CRACD: variants seen among roughly 807,000 people sequenced by gnomAD.
CRACD encodes the protein capping protein-inhibiting regulator of actin dynamics.
A neutral mutation model predicts 106.8 loss-of-function variants in CRACD; 56 were observed. The observed-to-expected ratio is 0.52, with a 90% confidence interval of 0.42 to 0.66. The LOEUF (loss-of-function observed/expected upper bound fraction) is 0.66, where lower values mean the gene tolerates loss of function less well. CRACD is among the 30% of genes least tolerant of loss of function. The pLI is 0.00. For missense variants in CRACD, 1,730 were observed against 1,623.2 expected, an observed-to-expected ratio of 1.07 and a Z score of -1.13; for synonymous variants, 754 against 670.8, an observed-to-expected ratio of 1.12 and a Z score of -1.92.
chr4:56,303,094 G>C (rs7661911), intron 4 of CRACD, among the ~76,000 whole-genome samples: 102,226 of 152,014 alleles, frequency 0.67, 35,700 homozygotes, highest in East Asian at 0.91. Flanking sequence ...CCTATAATTC[G>C]AGCACTCTGG....
chr4:56,086,591 T>A (rs953989113), intron 1 of CRACD, among the ~76,000 whole-genome samples: 1 of 152,178 alleles, frequency 6.6e-6, no homozygotes, highest in Non-Finnish European at 1.5e-5. Flanking sequence ...CCTTCACCTC[T>A]TCCCTCATCT....
At chr4:56,199,454 C>T (rs148089992) in intron 2 of CRACD, among the ~76,000 whole-genome samples, 4,997 of 152,050 alleles carry the variant, frequency 0.033, 114 homozygotes, top group Admixed American at 0.054. Flanking sequence ...GAGGCCGAGG[C>T]GGGTGAATCA....
chr4:56,094,083 T>C (rs1733514299), intron 1 of CRACD, among the ~76,000 whole-genome samples: 1 of 152,266 alleles, frequency 6.6e-6, no homozygotes, highest in Non-Finnish European at 1.5e-5. Context: ...GTCATATTGA[T>C]TGAGTCCAAT....
chr4:56,245,228 A>G (rs1469097535), intron 2 of CRACD, among the ~76,000 whole-genome samples: 2 of 152,208 alleles, frequency 1.3e-5, no homozygotes, highest in Non-Finnish European at 2.9e-5. Context: ...AGTCTTTCTC[A>G]TAGTGGATAG....
chr4:56,056,463 T>G (rs1423817337), intron 1 of CRACD, among the ~76,000 whole-genome samples: 1 of 152,014 alleles, frequency 6.6e-6, no homozygotes, highest in Non-Finnish European at 1.5e-5. Flanking sequence ...AATGGAGATG[T>G]GCTATCAATT....
intron 10 of CRACD, among the ~76,000 whole-genome samples, chr4:56,327,233 T>G (rs1347029046): frequency 2.6e-5 from 4 of 152,198 alleles, no homozygotes; most frequent in African/African-American, 9.6e-5. Context: ...CTTGCTTTCC[T>G]TCATTCTCCT....
At chr4:56,065,055 C>G (rs531010114) in intron 1 of CRACD, among the ~76,000 whole-genome samples, 4 of 144,532 alleles carry the variant, frequency 2.8e-5, no homozygotes, top group African/African-American at 9.9e-5. Context: ...TCAGAAGTGC[C>G]TCTGGAACCT....
chr4:56,191,730 A>G (rs1448501252), intron 2 of CRACD, among the ~76,000 whole-genome samples: 1 of 152,222 alleles, frequency 6.6e-6, no homozygotes, highest in Non-Finnish European at 1.5e-5. Flanking sequence ...GGAACGCCCA[A>G]CCACCATGTA....
At chr4:56,266,920 T>C (rs999073495) in intron 2 of CRACD, among the ~76,000 whole-genome samples, 4 of 152,222 alleles carry the variant, frequency 2.6e-5, no homozygotes, top group Non-Finnish European at 4.4e-5. Context: ...AGATTATCAA[T>C]TGGGGAATCA....
At chr4:56,313,619 G>A (rs533526630) in intron 7 of CRACD, among the ~76,000 whole-genome samples, 2 of 152,340 alleles carry the variant, frequency 1.3e-5, no homozygotes, top group African/African-American at 4.8e-5. Context: ...CAGACCCGTT[G>A]TGTTTGCTTT....
intron 3 of CRACD, among the ~76,000 whole-genome samples, chr4:56,278,441 A>G (rs1180600975): frequency 6.6e-6 from 1 of 152,226 alleles, no homozygotes; most frequent in African/African-American, 2.4e-5. Context: ...TTCTGGGACA[A>G]TTGGATAGCC....
chr4:56,094,650 C>T (rs193187984), intron 1 of CRACD, among the ~76,000 whole-genome samples: 45 of 152,220 alleles, frequency 3.0e-4, no homozygotes, highest in African/African-American at 8.7e-4. Context: ...AACTGGGTTT[C>T]GCCATGTTGG....
At chr4:56,084,187 A>C (rs74427449) in intron 1 of CRACD, among the ~76,000 whole-genome samples, 6,232 of 152,308 alleles carry the variant, frequency 0.041, 152 homozygotes, top group Non-Finnish European at 0.056. Flanking sequence ...TAACAAAAAT[A>C]ATACTACATA....
In CRACD at chr4:56,315,240, C is replaced by A; in HGVS notation, c.1738C>A (p.Pro580Thr). The change falls in exon 8 of 11, where the codon CCA (proline) becomes ACA (threonine). Residue 580 changes from proline (P) to threonine (T), a missense_variant. Physicochemically the swap from Pro to Thr is conservative, Grantham distance 38. Around this residue, in one of 5 missense-constraint regions of CRACD, gnomAD observed 1,620 missense variants for 1,481.6 expected, o/e 1.09. Transcript: ENST00000682029. This position sits in a 1 kb window ranked among gnomAD's most constrained non-coding sequence, Gnocchi z 4.1. ...PQEPKAPKASPVQHALPSSLS... is the reference protein window; with the variant it reads ...PQEPKAPKASTVQHALPSSLS... The stretch of plus-strand genomic sequence containing the variant: ...GGAACCAAAGGCCCCCAAAGCCAGC[C>A]CAGTCCAGCACGCCCTACCGTCGTC... 2 of 1,601,448 alleles carry A rather than the reference C, an allele frequency of 1.2e-6. No individual in the cohort carries two copies. The highest frequency in any genetic ancestry group is 1.7e-6 in the Non-Finnish European group (2 of 1,174,176).
chr4:56,189,253 C>T (rs1737248573), intron 2 of CRACD, among the ~76,000 whole-genome samples: 1 of 151,906 alleles, frequency 6.6e-6, no homozygotes, highest in Non-Finnish European at 1.5e-5. Flanking sequence ...ATTGGGATTT[C>T]AGGCTAGATA....
In CRACD at chr4:56,104,857, C is replaced by T. The variant is rs960130106; in HGVS notation, c.-336+55558C>T. ...TGGCGGGTGCCTGTAATCCCAGCTA[C>T]TCGGGAGGCTGAGGCAGGAGAATGG... is the stretch of plus-strand genomic sequence containing the variant. On this transcript the variant is annotated intron_variant, in intron 1 of 10. Coordinates refer to ENST00000682029, the MANE Select transcript of CRACD (RefSeq NM_001393381.1). Among the ~76,000 whole-genome samples the T allele has an allele frequency of 2.6e-5, 4 of 151,396 alleles. No homozygotes were observed. In the South Asian group the frequency reaches 8.3e-4, roughly 32 times the overall value.
chr4:56,279,634 T>C (rs1304303644), intron 3 of CRACD, among the ~76,000 whole-genome samples: 1 of 152,164 alleles, frequency 6.6e-6, no homozygotes. Context: ...CATTAAAAAG[T>C]CAGGAAACAA....
At chr4:56,229,339 G>A (rs1480854760) in intron 2 of CRACD, among the ~76,000 whole-genome samples, 1 of 152,110 alleles carries the variant, frequency 6.6e-6, no homozygotes, top group Non-Finnish European at 1.5e-5. Flanking sequence ...GCTCTTCGAG[G>A]ACACCATGTT....
chr4:56,309,014 A>G (rs758642690), intron 5 of CRACD: 10 of 575,254 alleles, frequency 1.7e-5, no homozygotes, highest in Non-Finnish European at 3.0e-5. Flanking sequence ...GAGAGGGTGT[A>G]ACAAACAACA....
Sources: gnomAD v4.1 joint callset for allele counts (sites outside exome capture counted in the v4.1 genomes callset) on GRCh38, gnomAD v4.1.1 for gene constraint, gnomAD v4.1.1 regional missense constraint, Gnocchi (gnomAD v3.1) non-coding constraint, MANE v1.5 for transcripts, NCBI Gene and HGNC (gene_info 2026-07-23, HGNC 2026-07-21) for gene names.